ZNRF3: variants seen among roughly 807,000 people sequenced by gnomAD.
ZNRF3 encodes the protein E3 ubiquitin-protein ligase ZNRF3.
ZNRF3 carries 23 observed loss-of-function variants against 72.5 expected under a neutral mutation model. That is an observed-to-expected ratio of 0.32 (90% CI 0.23 to 0.45). The LOEUF is 0.45. Among genes scored for constraint, ZNRF3 ranks in the 20% least tolerant of loss-of-function variants. ZNRF3 has a pLI of 1.00. For synonymous variants in ZNRF3, 610 were observed against 545.3 expected, an observed-to-expected ratio of 1.12 and a Z score of -1.65; for missense variants, 1,169 against 1,272.1, an observed-to-expected ratio of 0.92 and a Z score of 1.23.
intron 1 of ZNRF3, among the ~76,000 whole-genome samples, chr22:28,927,716 T>C (rs2123774991): frequency 6.6e-6 from 1 of 152,352 alleles, no homozygotes; most frequent in African/African-American, 2.4e-5. Flanking sequence ...ATTCACAGAA[T>C]AGATAAGCTC....
intron 1 of ZNRF3, among the ~76,000 whole-genome samples, chr22:28,976,434 A>T (rs2035676094): frequency 6.6e-6 from 1 of 152,146 alleles, no homozygotes; most frequent in South Asian, 2.1e-4. Context: ...AGTCAGGAGG[A>T]AGTCCTGGCT....
intron 6 of ZNRF3, among the ~76,000 whole-genome samples, chr22:29,047,892 G>A (rs2037104324): frequency 1.3e-5 from 2 of 152,152 alleles, no homozygotes; most frequent in South Asian, 4.1e-4. Flanking sequence ...GTAAAGGAGG[G>A]GATAGCAGAG....
intron 1 of ZNRF3, among the ~76,000 whole-genome samples, chr22:28,921,330 TA>T (rs1210429619): frequency 6.6e-6 from 1 of 152,162 alleles, no homozygotes; most frequent in Non-Finnish European, 1.5e-5. Context: ...TTTTACTGCT[TA>T]TAGGATGGAG....
At chr22:29,019,089 C>T (rs1328457227) in intron 2 of ZNRF3, among the ~76,000 whole-genome samples, 1 of 151,854 alleles carries the variant, frequency 6.6e-6, no homozygotes, top group Non-Finnish European at 1.5e-5. Flanking sequence ...AGGCTTCTTA[C>T]ATGATAGTTC....
intron 1 of ZNRF3, among the ~76,000 whole-genome samples, chr22:28,937,213 ATATTTTTT>A (rs1235434813): frequency 2.4e-4 from 1 of 4,230 alleles, no homozygotes; most frequent in African/African-American, 5.4e-4. Flanking sequence ...ATATATATAT[ATATTTTTT>A]TTTTTTTTTT....
intron 1 of ZNRF3, among the ~76,000 whole-genome samples, chr22:28,905,850 G>A (rs151172358): frequency 7.1e-4 from 108 of 152,310 alleles, no homozygotes; most frequent in East Asian, 2.7e-3. Context: ...AGGATTCTGA[G>A]CGATAAGATA....
chr22:29,035,521 G>T (rs915362031), intron 2 of ZNRF3, among the ~76,000 whole-genome samples: 48 of 152,200 alleles, frequency 3.2e-4, no homozygotes, highest in African/African-American at 1.1e-3. Context: ...GTTGAGTTAA[G>T]GGGGAAGTAG....
At chr22:28,974,959 C>A (rs1339636892) in intron 1 of ZNRF3, among the ~76,000 whole-genome samples, 2 of 152,174 alleles carry the variant, frequency 1.3e-5, no homozygotes, top group African/African-American at 4.8e-5. Context: ...TCTGAAAATT[C>A]TGTACATCTA....
At chr22:29,001,149 A>T (rs1183012223) in intron 2 of ZNRF3, among the ~76,000 whole-genome samples, 1 of 141,262 alleles carries the variant, frequency 7.1e-6, no homozygotes, top group African/African-American at 2.7e-5. Context: ...GCTCACTGCA[A>T]GCTCCGCCTC....
chr22:29,040,234 C>T (rs951688807), intron 2 of ZNRF3, among the ~76,000 whole-genome samples: 4 of 151,876 alleles, frequency 2.6e-5, no homozygotes, highest in African/African-American at 9.7e-5. Context: ...GGCTGGAGTG[C>T]CGTGGTGCGA....
At chr22:28,903,866 T>C (rs996456318) in intron 1 of ZNRF3, among the ~76,000 whole-genome samples, 9 of 152,152 alleles carry the variant, frequency 5.9e-5, no homozygotes, top group African/African-American at 1.9e-4. Context: ...TAGGGAAAAC[T>C]GTTGGGTGAC....
intron 1 of ZNRF3, among the ~76,000 whole-genome samples, chr22:28,957,963 G>A (rs1236567150): frequency 6.6e-6 from 1 of 151,782 alleles, no homozygotes; most frequent in African/African-American, 2.4e-5. Context: ...CGAGGCGGGC[G>A]GATCACAAGG....
At chr22:29,012,900 G>A (rs557375803) in intron 2 of ZNRF3, among the ~76,000 whole-genome samples, 6 of 152,336 alleles carry the variant, frequency 3.9e-5, no homozygotes, top group African/African-American at 1.4e-4. Context: ...AGACTCAGGG[G>A]AAGGGGCTAA....
intron 1 of ZNRF3, among the ~76,000 whole-genome samples, chr22:28,979,029 C>T (rs983538363): frequency 6.6e-6 from 1 of 152,146 alleles, no homozygotes; most frequent in Non-Finnish European, 1.5e-5. Flanking sequence ...GTAACTATCA[C>T]GTGTCATCCT....
intron 1 of ZNRF3, among the ~76,000 whole-genome samples, chr22:28,977,067 T>C (rs1172344598): frequency 6.6e-6 from 1 of 152,230 alleles, no homozygotes; most frequent in East Asian, 1.9e-4. Context: ...AGGTCACTTC[T>C]CAGTTGTGCA....
At chr22:28,898,128 C>T (rs969816666) in intron 1 of ZNRF3, among the ~76,000 whole-genome samples, 2 of 152,074 alleles carry the variant, frequency 1.3e-5, no homozygotes, top group African/African-American at 2.4e-5. Context: ...TTGTATTTTT[C>T]GTAGAGAGGG....
At chr22:29,020,249 C>CTAACCATCCTTTT (rs1555984921) in intron 2 of ZNRF3, among the ~76,000 whole-genome samples, 8 of 91,768 alleles carry the variant, frequency 8.7e-5, no homozygotes, top group Non-Finnish European at 1.6e-4. Context: ...CACAACCATC[C>CTAACCATCCTTTT]TTTTTTTTTT....
In ZNRF3 at chr22:28,928,717, C is replaced by T. The variant is rs188862369; in HGVS notation, c.300+44651C>T. 2.8e-3 allele frequency among the ~76,000 whole-genome samples: 431 copies of T among 151,886 alleles called. 2 individuals carry two copies. Among genetic ancestry groups the T allele is most frequent in the Admixed American group, 4.9e-3 (75 of 15,254 alleles). On this transcript the variant is annotated intron_variant, in intron 1 of 8. Transcript: ENST00000544604. ...TTCACCGTGTTAGCCAGGGTGGTCTCGATCTCCTGACCTCATGATCCGCCC... is the reference window on the plus strand; with the variant it reads ...TTCACCGTGTTAGCCAGGGTGGTCTTGATCTCCTGACCTCATGATCCGCCC...
chr22:28,951,324 A>G (rs185525682), intron 1 of ZNRF3, among the ~76,000 whole-genome samples: 36 of 152,280 alleles, frequency 2.4e-4, no homozygotes, highest in Admixed American at 5.9e-4. Flanking sequence ...ATCAAGTTCA[A>G]TTAAGGTCGT....
Sources: gnomAD v4.1 joint callset for allele counts (sites outside exome capture counted in the v4.1 genomes callset) on GRCh38, gnomAD v4.1.1 for gene constraint, MANE v1.5 for transcripts, NCBI Gene and HGNC (gene_info 2026-07-23, HGNC 2026-07-21) for gene names.